The following SLAMF1 variants were observed in gnomAD, a reference collection of about 807,000 sequenced individuals.
SLAMF1 encodes the protein signaling lymphocytic activation molecule.
A neutral mutation model predicts 35.1 loss-of-function variants in SLAMF1; 18 were observed. The ratio of observed to expected loss-of-function variants is 0.51; its 90% CI spans 0.35 to 0.76. The LOEUF (loss-of-function observed/expected upper bound fraction) is 0.76, where lower values mean the gene tolerates loss of function less well. SLAMF1 is among the 30% of genes least tolerant of loss of function. SLAMF1 has a pLI of 0.01. For missense variants in SLAMF1, 392 were observed against 413.0 expected (o/e 0.95, Z 0.44); for synonymous variants, 168 against 157.2 (o/e 1.07, Z -0.51).
intron 3 of SLAMF1, among the ~76,000 whole-genome samples, chr1:160,633,397 C>T (rs1400600437): frequency 6.6e-6 from 1 of 152,162 alleles, no homozygotes; most frequent in African/African-American, 2.4e-5. Context: ...GTGGGATTTT[C>T]CCAGCAGTCC....
Position 160,647,027 on chromosome 1 carries a change from AT to A in SLAMF1, c.-83del, listed in dbSNP as rs1044407761. ...GCCAGGCAGAAGCAAGCTTCGTGTC[AT>A]GCAGCAGAGGCTGTCTGATTTATGT... On this transcript the variant is annotated 5_prime_UTR_variant, in exon 1 of 7. It removes an upstream start codon present in the reference 5' UTR. Transcript: ENST00000302035. 1.5e-5 allele frequency: 11 copies of A among 744,592 alleles called. 1 individual carries two copies. The highest frequency in any genetic ancestry group is 2.7e-5 in the Non-Finnish European group (11 of 412,046). The allele number at this position is 744,592 out of a possible 1,614,324, so 46.1% of individuals were successfully genotyped here. A position where few individuals can be genotyped will look rare whatever the true frequency, so the allele number is the denominator to read the frequency against.
chr1:160,614,319 T>C (rs1659167996), intron 5 of SLAMF1, among the ~76,000 whole-genome samples: 1 of 152,204 alleles, frequency 6.6e-6, no homozygotes, highest in South Asian at 2.1e-4. Flanking sequence ...CTCACGCCTG[T>C]AATCCCAGCA....
chr1:160,637,025 A>G (rs577617790), intron 2 of SLAMF1, 166 bp downstream of exon 2: 64 of 601,918 alleles, frequency 1.1e-4, no homozygotes, highest in Admixed American at 4.5e-4. Context: ...AAAAATGTCA[A>G]CCTTTAAAAC....
At chr1:160,635,699 G>A (rs1489118444) in intron 2 of SLAMF1, among the ~76,000 whole-genome samples, 1 of 150,778 alleles carries the variant, frequency 6.6e-6, no homozygotes, top group Non-Finnish European at 1.5e-5. Context: ...AGCCTCCCGA[G>A]TAGCTGGGAC....
At chr1:160,613,450 AAAT>A (rs1481432393) in intron 5 of SLAMF1, among the ~76,000 whole-genome samples, 1 of 152,350 alleles carries the variant, frequency 6.6e-6, no homozygotes, top group Non-Finnish European at 1.5e-5. Context: ...GAACGAATTA[AAAT>A]CCACAATTCC....
intron 1 of SLAMF1, among the ~76,000 whole-genome samples, chr1:160,638,400 T>C (rs1049124623): frequency 6.6e-6 from 1 of 152,232 alleles, no homozygotes; most frequent in African/African-American, 2.4e-5. Context: ...AAGTCGAGCC[T>C]CTTCCTCCAC....
In SLAMF1 at chr1:160,637,343, G is replaced by A; in HGVS notation, c.263C>T (p.Pro88Leu). ...GTAGCGATCTCCTAGATAACGTGGA[G>A]GGCCTGCTTCGGATGGATCAAGAGA... ...IVSLDPSEAG[P>L]PRYLGDRYKF... The change falls in exon 2 of 7, where the codon CCT (proline) becomes CTT (leucine). Residue 88 changes from proline to leucine, a missense_variant. Pro to Leu is a moderately conservative substitution (Grantham distance 98). Transcript: ENST00000302035. The A allele has an allele frequency of 6.2e-7, 1 of 1,614,158 alleles. No individual in the cohort carries two copies. Among genetic ancestry groups the A allele is most frequent in the Non-Finnish European group, 8.5e-7 (1 of 1,179,988 alleles).
At chr1:160,617,288 C>T (rs1462007845) in intron 5 of SLAMF1, among the ~76,000 whole-genome samples, 1 of 152,260 alleles carries the variant, frequency 6.6e-6, no homozygotes, top group Non-Finnish European at 1.5e-5. Context: ...GCATACTCTA[C>T]GATTCAGCAG....
intron 5 of SLAMF1, among the ~76,000 whole-genome samples, chr1:160,613,324 G>A (rs564972770): frequency 5.3e-5 from 8 of 152,124 alleles, no homozygotes; most frequent in African/African-American, 1.7e-4. Context: ...TTTATGTGTT[G>A]TTTCTCCAGT....
At chr1:160,611,437 T>G (rs1295208329) in intron 6 of SLAMF1, among the ~76,000 whole-genome samples, 1 of 152,190 alleles carries the variant, frequency 6.6e-6, no homozygotes, top group Non-Finnish European at 1.5e-5. Flanking sequence ...GAAGTGAGAA[T>G]GGACCTCAAG....
chr1:160,612,781 A>G (rs1040655745), intron 5 of SLAMF1, among the ~76,000 whole-genome samples: 21 of 152,094 alleles, frequency 1.4e-4, no homozygotes, highest in African/African-American at 5.1e-4. Context: ...GGACTCCCCA[A>G]GTGGCGTCTT....
At chr1:160,634,919 G>A (rs751566801) in intron 2 of SLAMF1, 22 bp from the exon 3 acceptor site, 8 of 1,590,506 alleles carry the variant, frequency 5.0e-6, no homozygotes, top group Non-Finnish European at 6.9e-6. Context: ...GGGAGGAAGG[G>A]AGCCATCACT....
chr1:160,628,440 T>C (rs1659994519), intron 3 of SLAMF1, among the ~76,000 whole-genome samples: 1 of 152,202 alleles, frequency 6.6e-6, no homozygotes, highest in South Asian at 2.1e-4. Context: ...TTTATTAAGG[T>C]ACTATCATAA....
rs1402331861 is a variant in SLAMF1, at chr1:160,609,586, G to A, written c.*1162C>T. The A allele has an allele frequency of 6.6e-6, 1 of 152,090 alleles. No homozygotes were observed. Among genetic ancestry groups the A allele is most frequent in the Non-Finnish European group, 1.5e-5 (1 of 68,016 alleles). The allele number at this position is 152,090 out of a possible 1,614,324, so 9.4% of individuals were successfully genotyped here. The stretch of plus-strand genomic sequence containing the variant: ...TATAAGAAACAATAAGAAAAAGCAG[G>A]GCTTAAATTGAGGACAGCCTGTCTA... On this transcript the variant is annotated 3_prime_UTR_variant, in exon 7 of 7. Coordinates refer to ENST00000302035, the MANE Select transcript of SLAMF1 (RefSeq NM_003037.5).
intron 3 of SLAMF1, among the ~76,000 whole-genome samples, chr1:160,624,605 C>A (rs1659784702): frequency 6.6e-6 from 1 of 152,186 alleles, no homozygotes; most frequent in South Asian, 2.1e-4. Flanking sequence ...ACGCTATTCT[C>A]ATGAGACACT....
At chr1:160,611,153 G>A (rs527581942) in intron 6 of SLAMF1, among the ~76,000 whole-genome samples, 6 of 152,306 alleles carry the variant, frequency 3.9e-5, no homozygotes, top group African/African-American at 1.4e-4. Flanking sequence ...AGCCAAGAGA[G>A]TTGTAAATTA....
Position 160,637,476 on chromosome 1 carries a change from G to A in SLAMF1, c.130C>T (p.Leu44=). ...ATCCTTTCATATGTCAGGGGCAGCA[G>A]CACTTTGCTTCCCAACTGCCGGAGA... ...KILRQLGSKV[L]LPLTYERINK... is the part of the protein sequence containing the mutation. The change falls in exon 2 of 7, where the codon CTG becomes TTG. Residue 44 remains leucine, a synonymous_variant. Transcript: ENST00000302035. 1 of 1,613,660 alleles carries A rather than the reference G, an allele frequency of 6.2e-7. No homozygotes were observed. The highest frequency in any genetic ancestry group is 1.1e-5 in the South Asian group (1 of 91,076).
intron 1 of SLAMF1, among the ~76,000 whole-genome samples, chr1:160,644,105 G>C (rs536812584): frequency 6.6e-6 from 1 of 152,186 alleles, no homozygotes; most frequent in African/African-American, 2.4e-5. Flanking sequence ...TGCCCTCTAC[G>C]TTCTTCTGTG....
chr1:160,610,643 C>A lies in SLAMF1; in HGVS notation c.*105G>T. On this transcript the variant is annotated 3_prime_UTR_variant, in exon 7 of 7. Transcript: ENST00000302035. The stretch of plus-strand genomic sequence containing the variant: ...GGAGTTGATCTGAGAAGGGTACAGA[C>A]GTGCAGCATGTCTGCCAGAGGAAAC... The A allele has an allele frequency of 1.3e-6, 1 of 782,024 alleles. No homozygotes were observed. 48.4% of individuals were successfully genotyped at this position (782,024 alleles called of 1,614,324 possible). A position where few individuals can be genotyped will look rare whatever the true frequency, so the allele number is the denominator to read the frequency against.
Sources: allele counts gnomAD v4.1 joint callset (sites outside exome capture counted in the v4.1 genomes callset), GRCh38; gene constraint gnomAD v4.1.1; transcripts MANE v1.5; gene names NCBI Gene and HGNC (gene_info 2026-07-23, HGNC 2026-07-21).